Variants in MESD observed in about 807,000 individuals in gnomAD.
The protein encoded by MESD is LRP chaperone MESD.
A neutral mutation model predicts 12.9 loss-of-function variants in MESD; 7 were observed. The ratio of observed to expected loss-of-function variants is 0.54; its 90% CI spans 0.31 to 1.02. MESD has a LOEUF of 1.02. MESD is among the 50% of genes least tolerant of loss of function. MESD has a pLI of 0.05. For missense variants in MESD, 342 were observed against 296.7 expected (o/e 1.15, Z -1.12); for synonymous variants, 126 against 115.6 (o/e 1.09, Z -0.58).
chr15:80,956,346 G>A (rs1471235803), intron 3 of MESD, among the ~76,000 whole-genome samples: 4 of 152,146 alleles, frequency 2.6e-5, no homozygotes, highest in East Asian at 3.9e-4. Flanking sequence ...TGCTCCCCTC[G>A]ACTGCAAGAT....
chr15:80,983,255 A>AG (rs990502078), intron 1 of MESD, among the ~76,000 whole-genome samples: 1 of 152,074 alleles, frequency 6.6e-6, no homozygotes, highest in Non-Finnish European at 1.5e-5. Flanking sequence ...AAGAAAAAAA[A>AG]AAAAAGAAAA....
chr15:80,972,042 A>C (rs911731353), downstream of MESD, among the ~76,000 whole-genome samples: 1 of 152,188 alleles, frequency 6.6e-6, no homozygotes, highest in Non-Finnish European at 1.5e-5. Context: ...GGATAACTAA[A>C]AAAACTCAAA....
At chr15:80,954,405 G>A (rs186666947) in intron 3 of MESD, among the ~76,000 whole-genome samples, 1 of 152,332 alleles carries the variant, frequency 6.6e-6, no homozygotes, top group East Asian at 1.9e-4. Flanking sequence ...CCAAAATCCT[G>A]AGCCCTTTGA....
intron 2 of MESD, among the ~76,000 whole-genome samples, chr15:80,980,103 C>T (rs1252608102): frequency 6.6e-6 from 1 of 152,204 alleles, no homozygotes; most frequent in Admixed American, 6.5e-5. Context: ...TTCTTCTGTT[C>T]CTTAGGGACT....
At chr15:80,968,383 G>T (rs1487460538) in intron 3 of MESD, among the ~76,000 whole-genome samples, 2 of 152,226 alleles carry the variant, frequency 1.3e-5, no homozygotes, top group Non-Finnish European at 2.9e-5. Context: ...GCCTCCAGAA[G>T]AAAACAGCCC....
chr15:80,988,730 C>T (rs563988815), intron 1 of MESD, among the ~76,000 whole-genome samples: 36 of 152,188 alleles, frequency 2.4e-4, no homozygotes, highest in Non-Finnish European at 4.0e-4. Flanking sequence ...TCTTAGGACC[C>T]ATCCTAACCT....
intron 3 of MESD, among the ~76,000 whole-genome samples, chr15:80,958,325 TATTTC>T (rs1365977479): frequency 6.6e-6 from 1 of 152,116 alleles, no homozygotes; most frequent in Admixed American, 6.5e-5. Context: ...GCATTTATTT[TATTTC>T]AATTAATTAA....
chr15:80,979,607 CA>C (rs1479292486), intron 2 of MESD, 130 bp from the exon 3 acceptor site: 5 of 1,053,220 alleles, frequency 4.7e-6, no homozygotes, highest in African/African-American at 3.2e-5. Context: ...TTGGATTTTC[CA>C]AAGCCTAGCA....
rs180695130 is a variant in MESD at position 80,963,824 on chromosome 15, A to G, written c.*289-11528T>C. ...TCAACAAACTATATTGATGGAACAG[A>G]TCTCAAAATTATAAGAGCTATTTAT... On this transcript the variant is annotated intron_variant, in intron 3 of 4. Transcript: ENST00000561312. Among the ~76,000 whole-genome samples the G allele has an allele frequency of 5.3e-5, 8 of 152,324 alleles. No homozygotes were observed. The East Asian group carries it at 1.3e-3, about 26-fold the overall frequency.
chr15:80,950,773 G>A (rs768964993), intron 4 of MESD: 1 of 152,670 alleles, frequency 6.6e-6, no homozygotes, highest in Non-Finnish European at 1.5e-5. Context: ...CTGTAAGAGG[G>A]AGAACTCTAT....
chr15:80,946,650 T>A (rs905153613), downstream of MESD: 1 of 372,010 alleles, frequency 2.7e-6, no homozygotes, highest in African/African-American at 2.1e-5. Context: ...AGCCCTGGCA[T>A]GGTACGCTCT....
At chr15:80,973,040 A>C (rs1902324794), downstream of MESD, among the ~76,000 whole-genome samples, 1 of 152,050 alleles carries the variant, frequency 6.6e-6, no homozygotes, top group East Asian at 1.9e-4. Context: ...AACAAACAAA[A>C]AAAACAAAAA....
At position 80,989,720 on chromosome 15, in the gene MESD, T is replaced by TAGCAGCAGC. The variant is rs376961994; in HGVS notation, c.63_71dup (p.Leu24_Leu26dup). On this transcript the variant is annotated inframe_insertion, in exon 1 of 3. Transcript: ENST00000261758. ...CGCAGGACCCAGGCGGTGGTAGCAG[T>TAGCAGCAGC]AGCAGCAGCAGCAGCAGGTCAGAGG... 3.1e-6 allele frequency: 5 copies of TAGCAGCAGC among 1,608,160 alleles called. No individual in the cohort carries two copies. Among genetic ancestry groups the TAGCAGCAGC allele is most frequent in the Non-Finnish European group, 4.2e-6 (5 of 1,179,760 alleles).
At chr15:80,988,781 A>G (rs1400282059) in intron 1 of MESD, among the ~76,000 whole-genome samples, 1 of 152,218 alleles carries the variant, frequency 6.6e-6, no homozygotes, top group Non-Finnish European at 1.5e-5. Context: ...TAGAAACTAG[A>G]CATAACCTGC....
chr15:80,967,107 C>T (rs1333221436), intron 3 of MESD, among the ~76,000 whole-genome samples: 7 of 152,056 alleles, frequency 4.6e-5, no homozygotes, highest in African/African-American at 1.4e-4. Flanking sequence ...GCCTGACCAA[C>T]ATGAAGAAAC....
At chr15:80,973,054 T>C (rs1902325477), downstream of MESD, among the ~76,000 whole-genome samples, 1 of 151,784 alleles carries the variant, frequency 6.6e-6, no homozygotes, top group African/African-American at 2.4e-5. Context: ...ACAAAAACCT[T>C]CGTTACTATA....
chr15:80,989,561 T>G lies in MESD; in HGVS notation c.213+18A>C. ...CCCGCACAGAGAAGAGCCGGGAGGG[T>G]GTGCGCGCGCCGCGGACCTCCCATT... On this transcript the variant is annotated intron_variant, in intron 1 of 2. Coordinates refer to ENST00000261758, the MANE Select transcript of MESD (RefSeq NM_015154.3). The G allele has an allele frequency of 6.2e-7, 1 of 1,609,080 alleles. No individual in the cohort carries two copies. The highest frequency in any genetic ancestry group is 8.5e-7 in the Non-Finnish European group (1 of 1,177,244).
chr15:80,973,807 A>G (rs945990872), downstream of MESD, among the ~76,000 whole-genome samples: 5 of 152,038 alleles, frequency 3.3e-5, no homozygotes, highest in African/African-American at 1.2e-4. Context: ...AAAATATTGC[A>G]TTAAAATACT....
At chr15:80,956,181 T>C (rs1456855037) in intron 3 of MESD, among the ~76,000 whole-genome samples, 4 of 151,746 alleles carry the variant, frequency 2.6e-5, no homozygotes, top group Non-Finnish European at 4.4e-5. Flanking sequence ...CAGAGTGAGA[T>C]CCTGTCTAAA....
Sources: gnomAD v4.1 joint callset for allele counts (sites outside exome capture counted in the v4.1 genomes callset) on GRCh38, gnomAD v4.1.1 for gene constraint, MANE v1.5 for transcripts, NCBI Gene and HGNC (gene_info 2026-07-23, HGNC 2026-07-21) for gene names.